The following MSH4 variants were observed in gnomAD, a reference collection of about 807,000 sequenced individuals.
MSH4 encodes mutS homolog 4.
Under a neutral mutation model 113.7 loss-of-function variants are expected in MSH4, and 106 were observed. That is an observed-to-expected ratio of 0.93 (90% CI 0.80 to 1.10). The LOEUF (loss-of-function observed/expected upper bound fraction) is 1.10. Among genes scored for constraint, MSH4 ranks in the 50% least tolerant of loss-of-function variants. The pLI is 0.00. For synonymous variants in MSH4, 368 were observed against 380.2 expected, an observed-to-expected ratio of 0.97 and a Z score of 0.37; for missense variants, 1,061 against 1,093.7, an observed-to-expected ratio of 0.97 and a Z score of 0.42.
intron 17 of MSH4, among the ~76,000 whole-genome samples, chr1:75,894,539 G>T (rs1055182845): frequency 2.0e-5 from 3 of 152,084 alleles, no homozygotes; most frequent in African/African-American, 7.2e-5. Context: ...TGATTACATT[G>T]TACCACCTCC....
intron 6 of MSH4, among the ~76,000 whole-genome samples, chr1:75,821,444 G>A (rs1404769144): frequency 6.6e-6 from 1 of 151,566 alleles, no homozygotes. Context: ...ATGCCCACAA[G>A]AGAAAGCAGG....
intron 8 of MSH4, among the ~76,000 whole-genome samples, chr1:75,864,645 G>A (rs577865601): frequency 1.2e-4 from 19 of 152,206 alleles, no homozygotes; most frequent in African/African-American, 4.6e-4. Flanking sequence ...TTTTGTGAAA[G>A]TCTTGCTTGA....
intron 7 of MSH4, among the ~76,000 whole-genome samples, chr1:75,845,607 G>A (rs144477691): frequency 5.9e-5 from 9 of 152,278 alleles, no homozygotes; most frequent in African/African-American, 1.7e-4. Flanking sequence ...CTCAGGCAGC[G>A]TCAGGGCTTA....
chr1:75,891,683 GGCTCA>G (rs1342272163), intron 17 of MSH4, among the ~76,000 whole-genome samples: 1 of 151,986 alleles, frequency 6.6e-6, no homozygotes, highest in Non-Finnish European at 1.5e-5. Context: ...TGAACTCCTG[GGCTCA>G]AGTGATCCAC....
At chr1:75,888,576 C>T in intron 15 of MSH4, among the ~76,000 whole-genome samples, 1 of 150,102 alleles carries the variant, frequency 6.7e-6, no homozygotes, top group East Asian at 2.0e-4. Flanking sequence ...TTAACTTCAG[C>T]TTTATAGGCA....
rs189122490 is a variant in MSH4 at position 75,832,495 on chromosome 1, T to C, written c.1162+9914T>C. On this transcript the variant is annotated intron_variant, in intron 7 of 19. Transcript: ENST00000263187. ...GAGACACAATAAAAAAAGAGAATTT[T>C]AGACCAATATCCCTGATGAACATCG... 3.1e-3 allele frequency among the ~76,000 whole-genome samples: 470 copies of C among 152,244 alleles called. 1 individual carries two copies. Among genetic ancestry groups the C allele is most frequent in the African/African-American group, 0.011 (442 of 41,558 alleles).
intron 1 of MSH4, among the ~76,000 whole-genome samples, chr1:75,798,763 G>A (rs1345666586): frequency 6.6e-6 from 1 of 151,534 alleles, no homozygotes; most frequent in African/African-American, 2.4e-5. Flanking sequence ...TTCCTACGTT[G>A]CCCAGCCTGG....
chr1:75,816,060 T>C (rs1354029617), intron 5 of MSH4, among the ~76,000 whole-genome samples: 2 of 152,066 alleles, frequency 1.3e-5, no homozygotes, highest in African/African-American at 2.4e-5. Context: ...TTTGAATACT[T>C]AGAATGGTAC....
At chr1:75,822,385 C>T in intron 6 of MSH4, 24 bp from the exon 7 acceptor site, 1 of 1,451,940 alleles carries the variant, frequency 6.9e-7, no homozygotes, top group East Asian at 2.6e-5. Flanking sequence ...TGTATTCTTA[C>T]TGACATTTCT....
chr1:75,824,261 G>A (rs575111458), intron 7 of MSH4, among the ~76,000 whole-genome samples: 7 of 152,130 alleles, frequency 4.6e-5, no homozygotes, highest in Non-Finnish European at 1.0e-4. Context: ...TTTGATGGCC[G>A]CACAAATGTC....
At chr1:75,881,645 C>G (rs1651934957) in intron 14 of MSH4, among the ~76,000 whole-genome samples, 1 of 151,988 alleles carries the variant, frequency 6.6e-6, no homozygotes, top group South Asian at 2.1e-4. Context: ...GAGCTGTCTC[C>G]TTGGTAAAAA....
At chr1:75,864,641 G>A (rs1232431504) in intron 8 of MSH4, among the ~76,000 whole-genome samples, 1 of 152,090 alleles carries the variant, frequency 6.6e-6, no homozygotes, top group African/African-American at 2.4e-5. Context: ...CTTCTTTTGT[G>A]AAAGTCTTGC....
At chr1:75,911,448 T>G (rs1360825067) in intron 19 of MSH4, among the ~76,000 whole-genome samples, 1 of 152,134 alleles carries the variant, frequency 6.6e-6, no homozygotes, top group African/African-American at 2.4e-5. Context: ...CTCCATCCTA[T>G]TCAAGCTTTT....
intron 12 of MSH4, 81 bp from the exon 13 acceptor site, chr1:75,879,969 C>A (rs1466646145): frequency 1.3e-5 from 9 of 694,486 alleles, no homozygotes; most frequent in Non-Finnish European, 2.0e-5. Context: ...AACCTAAATA[C>A]CCATATTTCT....
chr1:75,866,105 C>T (rs1367373479), intron 8 of MSH4, among the ~76,000 whole-genome samples: 3 of 152,126 alleles, frequency 2.0e-5, no homozygotes, highest in Non-Finnish European at 4.4e-5. Context: ...TAGAAGTTGA[C>T]ATTCATTCAT....
chr1:75,886,838 AT>A (rs1238668835), intron 15 of MSH4, among the ~76,000 whole-genome samples: 25 of 10,826 alleles, frequency 2.3e-3, no homozygotes, highest in Admixed American at 0.01. Context: ...ATATATATAT[AT>A]TATATATATA....
rs535713926 is a variant in MSH4 at position 75,905,426 on chromosome 1, C to T, written c.2619+5720C>T. On this transcript the variant is annotated intron_variant, in intron 19 of 19. Transcript: ENST00000263187. The stretch of plus-strand genomic sequence containing the variant: ...GAATAAAATATACTTCATAGGGTTT[C>T]GACATTTTTGAATTTATTGACACTT... Among the ~76,000 whole-genome samples, 441 of 151,728 alleles carry T rather than the reference C, an allele frequency of 2.9e-3. 1 individual carries two copies. Among genetic ancestry groups the T allele is most frequent in the Non-Finnish European group, 4.0e-3 (269 of 67,910 alleles).
At chr1:75,799,048 T>C (rs1557486340) in intron 1 of MSH4, among the ~76,000 whole-genome samples, 1 of 152,208 alleles carries the variant, frequency 6.6e-6, no homozygotes, top group Non-Finnish European at 1.5e-5. Flanking sequence ...GATTTATCCC[T>C]CATCATTTAA....
chr1:75,866,633 G>A (rs1221510828), intron 8 of MSH4, among the ~76,000 whole-genome samples: 5 of 151,996 alleles, frequency 3.3e-5, no homozygotes, highest in Non-Finnish European at 1.5e-5. Context: ...GATGCATATG[G>A]TCACAGAACA....
Sources: allele counts gnomAD v4.1 joint callset (sites outside exome capture counted in the v4.1 genomes callset), GRCh38; gene constraint gnomAD v4.1.1; transcripts MANE v1.5; gene names NCBI Gene and HGNC (gene_info 2026-07-23, HGNC 2026-07-21).